Variants in SMYD3 observed in about 807,000 individuals in gnomAD.
SMYD3 encodes the protein SET and MYND domain containing 3, also known as histone-lysine N-methyltransferase SMYD3.
In SMYD3, 36 loss-of-function variants were observed where a neutral mutation model predicts 57.7. The observed-to-expected ratio is 0.62, with a 90% CI of 0.48 to 0.82. The LOEUF is 0.82. Ranked by LOEUF, SMYD3 falls within the 40% of genes least tolerant of loss-of-function variation. SMYD3 has a pLI of 0.00. For missense variants in SMYD3, 515 were observed against 538.8 expected, an observed-to-expected ratio of 0.96 and a Z score of 0.44; for synonymous variants, 211 against 195.0, an observed-to-expected ratio of 1.08 and a Z score of -0.68.
At chr1:245,865,767 G>A (rs553474797) in intron 8 of SMYD3, among the ~76,000 whole-genome samples, 3 of 152,306 alleles carry the variant, frequency 2.0e-5, no homozygotes, top group South Asian at 4.1e-4. Context: ...GCTAACAGCC[G>A]CATGCGGCTG....
intron 5 of SMYD3, among the ~76,000 whole-genome samples, chr1:246,282,333 A>AAAAAAAAAG (rs2064466047): frequency 7.1e-6 from 1 of 141,146 alleles, no homozygotes; most frequent in Non-Finnish European, 1.5e-5. Context: ...AAAAAAAAAA[A>AAAAAAAAAG]AAAAAAAGCA....
intron 8 of SMYD3, among the ~76,000 whole-genome samples, chr1:245,878,314 A>G (rs2052599852): frequency 6.6e-6 from 1 of 152,166 alleles, no homozygotes; most frequent in Non-Finnish European, 1.5e-5. Flanking sequence ...TTTATGCCAC[A>G]GGGAAGGAGT....
chr1:246,432,657 C>T (rs1051313392), intron 1 of SMYD3, among the ~76,000 whole-genome samples: 2 of 152,182 alleles, frequency 1.3e-5, no homozygotes, highest in Admixed American at 6.5e-5. Flanking sequence ...TCCACTCGCT[C>T]GCTTGGTCTT....
intron 10 of SMYD3, among the ~76,000 whole-genome samples, chr1:245,774,302 G>A (rs1366542465): frequency 6.6e-6 from 1 of 152,088 alleles, no homozygotes; most frequent in Admixed American, 6.5e-5. Context: ...CAACTTATTT[G>A]GAATGGTAAG....
At chr1:246,155,304 A>G (rs1017322373) in intron 5 of SMYD3, among the ~76,000 whole-genome samples, 1 of 152,228 alleles carries the variant, frequency 6.6e-6, no homozygotes, top group African/African-American at 2.4e-5. Flanking sequence ...TTTGCTCCAC[A>G]GCAAATTCCA....
intron 1 of SMYD3, among the ~76,000 whole-genome samples, chr1:246,390,197 G>C (rs907435346): frequency 1.9e-5 from 2 of 104,600 alleles, no homozygotes; most frequent in African/African-American, 7.2e-5. Flanking sequence ...CTGGGTGACA[G>C]AGCAAGATTC....
At chr1:246,054,295 C>A (rs1338445237) in intron 5 of SMYD3, among the ~76,000 whole-genome samples, 1 of 152,124 alleles carries the variant, frequency 6.6e-6, no homozygotes, top group Non-Finnish European at 1.5e-5. Flanking sequence ...TGCAGAGCAA[C>A]TGGAACTCTC....
intron 10 of SMYD3, among the ~76,000 whole-genome samples, chr1:245,785,305 G>A (rs561694941): frequency 6.6e-6 from 1 of 151,926 alleles, no homozygotes; most frequent in Non-Finnish European, 1.5e-5. Flanking sequence ...AAAAATACAG[G>A]AGCATTTAAA....
intron 10 of SMYD3, among the ~76,000 whole-genome samples, chr1:245,829,882 T>C (rs1202321646): frequency 1.3e-5 from 2 of 152,198 alleles, no homozygotes; most frequent in African/African-American, 4.8e-5. Context: ...GCAAATATTT[T>C]ATAATTCCAT....
rs540925096 is a variant in SMYD3 at position 246,202,398 on chromosome 1, G to A, written c.531+124803C>T. 2.3e-4 allele frequency among the ~76,000 whole-genome samples: 35 copies of A among 152,010 alleles called. No homozygotes were observed. The highest frequency in any genetic ancestry group is 8.0e-4 in the African/African-American group (33 of 41,440). On this transcript the variant is annotated intron_variant, in intron 5 of 11. Coordinates refer to ENST00000490107, the MANE Select transcript of SMYD3 (RefSeq NM_001167740.2). The surrounding 1 kb of genome is among the most constrained non-coding windows in gnomAD (Gnocchi z 4.1). ...GCCTATGAAGCTTTCCAATCTCTTAGCCCAAGTTCTTTTTCCAACCAAGTC... is the reference window on the plus strand; with the variant it reads ...GCCTATGAAGCTTTCCAATCTCTTAACCCAAGTTCTTTTTCCAACCAAGTC...
intron 5 of SMYD3, among the ~76,000 whole-genome samples, chr1:246,003,288 C>T (rs971073063): frequency 2.6e-5 from 4 of 152,204 alleles, no homozygotes; most frequent in African/African-American, 9.6e-5. Context: ...CTTCTCAAAC[C>T]TCTGGCAGGG....
intron 10 of SMYD3, among the ~76,000 whole-genome samples, chr1:245,792,062 T>C (rs185225706): frequency 1.1e-4 from 16 of 152,180 alleles, no homozygotes; most frequent in African/African-American, 3.6e-4. Context: ...CTCTCAAATA[T>C]ATATGAAAGA....
At chr1:246,046,368 C>T (rs956259012) in intron 5 of SMYD3, among the ~76,000 whole-genome samples, 22 of 152,132 alleles carry the variant, frequency 1.4e-4, no homozygotes, top group Admixed American at 5.9e-4. Context: ...AGCAAACTAT[C>T]GCAAGGACAG....
intron 1 of SMYD3, among the ~76,000 whole-genome samples, chr1:246,449,052 A>G (rs1406832188): frequency 6.6e-6 from 1 of 152,114 alleles, no homozygotes; most frequent in African/African-American, 2.4e-5. Flanking sequence ...ACATAGTGAG[A>G]CCCAGTGTCT....
intron 5 of SMYD3, among the ~76,000 whole-genome samples, chr1:246,323,532 T>C (rs969024732): frequency 2.0e-5 from 3 of 152,166 alleles, no homozygotes; most frequent in Admixed American, 6.5e-5. Context: ...GAGCTTCCAT[T>C]AGAAAAAGCC....
chr1:246,185,893 C>G (rs752687075), intron 5 of SMYD3, among the ~76,000 whole-genome samples: 114 of 152,312 alleles, frequency 7.5e-4, no homozygotes, highest in Non-Finnish European at 1.3e-3. Context: ...TTCCTTGATT[C>G]TATGCCAATT....
intron 5 of SMYD3, among the ~76,000 whole-genome samples, chr1:246,277,203 A>G (rs1017476557): frequency 3.9e-5 from 6 of 152,238 alleles, no homozygotes; most frequent in African/African-American, 7.2e-5. Flanking sequence ...TTTCAAAAAA[A>G]AAAAGTGCAA....
chr1:246,320,810 T>C (rs2065234738), intron 5 of SMYD3, among the ~76,000 whole-genome samples: 1 of 152,184 alleles, frequency 6.6e-6, no homozygotes, highest in African/African-American at 2.4e-5. Context: ...TCAATAACCA[T>C]TGCCAATAAT....
At chr1:246,472,890 C>T (rs1341231547) in intron 1 of SMYD3, among the ~76,000 whole-genome samples, 1 of 130,496 alleles carries the variant, frequency 7.7e-6, no homozygotes, top group African/African-American at 2.9e-5. Flanking sequence ...CAGAGTCTCA[C>T]TCTGTCACTG....
Sources: allele counts gnomAD v4.1 joint callset (sites outside exome capture counted in the v4.1 genomes callset), GRCh38; gene constraint gnomAD v4.1.1; non-coding constraint Gnocchi (gnomAD v3.1); transcripts MANE v1.5; gene names NCBI Gene and HGNC (gene_info 2026-07-23, HGNC 2026-07-21).